RFPL4A: variants seen among roughly 807,000 people sequenced by gnomAD.
RFPL4A encodes ret finger protein like 4A.
In RFPL4A, 4 loss-of-function variants were observed where a neutral mutation model predicts 8.3. The observed-to-expected ratio is 0.48, with a 90% confidence interval of 0.24 to 1.10. The LOEUF is 1.10. Ranked by LOEUF, RFPL4A falls within the 50% of genes least tolerant of loss-of-function variation. The pLI, the probability that RFPL4A is intolerant of heterozygous loss-of-function variation, is 0.18. For synonymous variants in RFPL4A, 43 were observed against 136.6 expected (o/e 0.31, Z 4.78); for missense variants, 111 against 358.7 (o/e 0.31, Z 5.58).
chr19:55,758,172 A>G (rs1235167869), upstream of RFPL4A, among the ~76,000 whole-genome samples: 2 of 152,184 alleles, frequency 1.3e-5, no homozygotes, highest in African/African-American at 4.8e-5. Context: ...CAAGGATTTC[A>G]TCTAATATAT....
At chr19:55,762,109 C>G in intron 2 of RFPL4A, 23 bp downstream of exon 2, 1 of 1,528,144 alleles carries the variant, frequency 6.5e-7, no homozygotes, top group Non-Finnish European at 8.9e-7. Flanking sequence ...TAGGACCTGC[C>G]ACAACCCATA....
At chr19:55,761,760 A>C in intron 1 of RFPL4A, 32 bp from the exon 2 acceptor site, 1 of 1,419,160 alleles carries the variant, frequency 7.0e-7, no homozygotes, top group Non-Finnish European at 9.6e-7. Context: ...GCTCGTGGAA[A>C]TTCTAATTCT....
At chr19:55,760,528 T>G (rs1989260207) in intron 1 of RFPL4A, among the ~76,000 whole-genome samples, 1 of 151,616 alleles carries the variant, frequency 6.6e-6, no homozygotes, top group Non-Finnish European at 1.5e-5. Flanking sequence ...AATCATTAGG[T>G]TTTCTAGGAA....
At chr19:55,760,587 T>C (rs1434811913) in intron 1 of RFPL4A, among the ~76,000 whole-genome samples, 1 of 151,568 alleles carries the variant, frequency 6.6e-6, no homozygotes, top group Non-Finnish European at 1.5e-5. Context: ...TTGTACTACA[T>C]ATGGGCATGC....
At chr19:55,757,478 C>T (rs1223754155), upstream of RFPL4A, among the ~76,000 whole-genome samples, 2 of 151,980 alleles carry the variant, frequency 1.3e-5, no homozygotes, top group African/African-American at 2.4e-5. Flanking sequence ...CCTGCAGGGA[C>T]GGGGCATGGA....
At chr19:55,757,430 C>T (rs528553199), upstream of RFPL4A, among the ~76,000 whole-genome samples, 253 of 151,900 alleles carry the variant, frequency 1.7e-3, no homozygotes, top group African/African-American at 5.9e-3. Context: ...GATCGGAAGC[C>T]ACCGAAGCCA....
upstream of RFPL4A, among the ~76,000 whole-genome samples, chr19:55,757,375 A>T (rs186358083): frequency 0.039 from 5,666 of 146,772 alleles, 152 homozygotes; most frequent in African/African-American, 0.058. Flanking sequence ...AAGTATAATT[A>T]AAAAAAAAAA....
At chr19:55,757,523 C>T (rs1234890488), upstream of RFPL4A, among the ~76,000 whole-genome samples, 3 of 152,068 alleles carry the variant, frequency 2.0e-5, no homozygotes, top group African/African-American at 7.3e-5. Flanking sequence ...TGTTGAAGGA[C>T]AGGTTTTTAT....
At chr19:55,760,750 A>AGT (rs1989264935) in intron 1 of RFPL4A, among the ~76,000 whole-genome samples, 1 of 151,574 alleles carries the variant, frequency 6.6e-6, no homozygotes, top group African/African-American at 2.4e-5. Context: ...TTTAATGACA[A>AGT]GTGGCTAATT....
upstream of RFPL4A, among the ~76,000 whole-genome samples, chr19:55,758,803 G>C (rs1311937255): frequency 2.7e-5 from 4 of 150,864 alleles, no homozygotes; most frequent in Admixed American, 6.6e-5. Flanking sequence ...CATTTTAGAG[G>C]AATTTTAAAT....
In RFPL4A at chr19:55,761,709, T is replaced by G. The variant is rs940819190; in HGVS notation, c.-9-83T>G. ...TGTCGTGCTATGATAGCTCCATGCATGTAAAGATAAAAGCCCCAAACACTA... is the reference window on the plus strand; with the variant it reads ...TGTCGTGCTATGATAGCTCCATGCAGGTAAAGATAAAAGCCCCAAACACTA... On this transcript the variant is annotated intron_variant, in intron 1 of 2. Coordinates refer to ENST00000434937, the MANE Select transcript of RFPL4A (RefSeq NM_001145014.2). 1.6e-5 allele frequency: 23 copies of G among 1,463,532 alleles called. 5 individuals carry two copies. In the African/African-American group the frequency reaches 3.1e-4, roughly 20 times the overall value. The allele number at this position is 1,463,532 out of a possible 1,614,324, so 90.7% of individuals were successfully genotyped here.
rs566748942 is a variant in RFPL4A at position 55,763,421 on chromosome 19, A to G, written c.*246A>G. Among the ~76,000 whole-genome samples the G allele has an allele frequency of 6.7e-6, 1 of 150,216 alleles. No individual in the cohort carries two copies. Among genetic ancestry groups the G allele is most frequent in the East Asian group, 1.9e-4 (1 of 5,176 alleles). ...TTCAATAAATATTTTGAAAATTCAG[A>G]TTCATTTGCCAATCTTTTCTATTTT... On this transcript the variant is annotated 3_prime_UTR_variant, in exon 3 of 3. Transcript: ENST00000434937.
At chr19:55,757,971 A>G (rs1989204589), upstream of RFPL4A, among the ~76,000 whole-genome samples, 1 of 152,214 alleles carries the variant, frequency 6.6e-6, no homozygotes. Context: ...AAGCTGGAGA[A>G]TAACTGCTCC....
chr19:55,758,732 TTA>T (rs1278401095), upstream of RFPL4A, among the ~76,000 whole-genome samples: 2 of 151,452 alleles, frequency 1.3e-5, no homozygotes, highest in African/African-American at 4.9e-5. Context: ...GTCACCTCTT[TTA>T]TTGAAATGTG....
At chr19:55,760,475 G>A (rs983879979) in intron 1 of RFPL4A, among the ~76,000 whole-genome samples, 29 of 151,552 alleles carry the variant, frequency 1.9e-4, no homozygotes, top group Admixed American at 6.6e-5. Context: ...GATGGCCTTC[G>A]GGGTTTCTAT....
chr19:55,758,889 T>G (rs1352401612), upstream of RFPL4A: 1 of 150,818 alleles, frequency 6.6e-6, no homozygotes, highest in African/African-American at 2.5e-5. Flanking sequence ...ATATTCAAGA[T>G]CTTATCTAAA....
At chr19:55,759,842 C>T (rs1397959498) in intron 1 of RFPL4A, among the ~76,000 whole-genome samples, 2 of 151,562 alleles carry the variant, frequency 1.3e-5, no homozygotes, top group Non-Finnish European at 2.9e-5. Context: ...ATTTCACTTC[C>T]CATCATGCCC....
At chr19:55,761,078 G>T (rs2616955) in intron 1 of RFPL4A, among the ~76,000 whole-genome samples, 6,999 of 109,336 alleles carry the variant, frequency 0.064, 1,479 homozygotes, top group Non-Finnish European at 0.11. Context: ...ATTAGTTCTG[G>T]TTTTTCCTTT....
chr19:55,761,830 ATGTCC>A lies in RFPL4A; in HGVS notation c.35_39del (p.Pro12LeufsTer6). ...CTGAGCACTTCAAACAGATCATTAG[ATGTCC>A]TGTCTGTCTAAAAGATCTTGAAGAA... On this transcript the variant is annotated frameshift_variant, in exon 2 of 3. Coordinates refer to ENST00000434937, the MANE Select transcript of RFPL4A (RefSeq NM_001145014.2). LOFTEE classifies it high-confidence loss of function. 1 of 1,463,542 alleles carries A rather than the reference ATGTCC, an allele frequency of 6.8e-7. No homozygotes were observed. The highest frequency in any genetic ancestry group is 9.3e-7 in the Non-Finnish European group (1 of 1,076,834). 90.7% of individuals were successfully genotyped at this position (1,463,542 alleles called of 1,614,324 possible).
Sources: allele counts gnomAD v4.1 joint callset (sites outside exome capture counted in the v4.1 genomes callset), GRCh38; gene constraint gnomAD v4.1.1; transcripts MANE v1.5; gene names NCBI Gene and HGNC (gene_info 2026-07-23, HGNC 2026-07-21).